The following PDZD2 variants were observed in gnomAD, a reference collection of about 807,000 sequenced individuals.
PDZD2 encodes PDZ domain-containing protein 2.
A neutral mutation model predicts 220.7 loss-of-function variants in PDZD2; 90 were observed. The observed-to-expected ratio is 0.41, with a 90% CI of 0.34 to 0.49. The LOEUF (loss-of-function observed/expected upper bound fraction) is 0.49, where lower values mean the gene tolerates loss of function less well. Among genes scored for constraint, PDZD2 ranks in the 20% least tolerant of loss-of-function variants. The pLI, the probability that PDZD2 is intolerant of heterozygous loss-of-function variation, is 0.28. For synonymous variants in PDZD2, 1,375 were observed against 1,450.5 expected, an observed-to-expected ratio of 0.95 and a Z score of 1.18; for missense variants, 3,174 against 3,608.5, an observed-to-expected ratio of 0.88 and a Z score of 3.08.
At chr5:31,864,523 CTTT>C (rs962086402) in intron 2 of PDZD2, among the ~76,000 whole-genome samples, 1 of 146,464 alleles carries the variant, frequency 6.8e-6, no homozygotes, top group East Asian at 2.0e-4. Context: ...GAATTGCATC[CTTT>C]TTTTTTTTTG....
intron 1 of PDZD2, among the ~76,000 whole-genome samples, chr5:31,777,325 T>C (rs1182280345): frequency 1.3e-5 from 2 of 152,188 alleles, no homozygotes; most frequent in Non-Finnish European, 2.9e-5. Flanking sequence ...TCGCCAGGCC[T>C]CAGCCGCCTC....
intron 1 of PDZD2, among the ~76,000 whole-genome samples, chr5:31,722,693 T>TG (rs1368489525): frequency 4.9e-5 from 7 of 143,772 alleles, no homozygotes; most frequent in Admixed American, 1.4e-4. Context: ...GTTGTTTTTT[T>TG]GTTGTTTTTT....
intron 1 of PDZD2, among the ~76,000 whole-genome samples, chr5:31,745,896 T>C (rs150951324): frequency 2.0e-5 from 3 of 151,890 alleles, no homozygotes; most frequent in East Asian, 3.9e-4. Flanking sequence ...TTGGTCTGAA[T>C]TGTGCCTTCT....
intron 2 of PDZD2, chr5:31,908,901 C>G: frequency 2.5e-6 from 1 of 402,038 alleles, no homozygotes; most frequent in Non-Finnish European, 4.7e-6. Context: ...AGAAAATTAG[C>G]TGGCTGTGGT....
chr5:31,763,164 GA>G (rs572889372), intron 1 of PDZD2, among the ~76,000 whole-genome samples: 26 of 152,308 alleles, frequency 1.7e-4, no homozygotes, highest in African/African-American at 5.5e-4. Flanking sequence ...GCAGGGCTCT[GA>G]GTCTAGCCCT....
At chr5:31,934,186 A>T (rs547070382) in intron 2 of PDZD2, among the ~76,000 whole-genome samples, 3 of 150,782 alleles carry the variant, frequency 2.0e-5, no homozygotes, top group African/African-American at 7.3e-5. Context: ...AGGCAATTTT[A>T]ATCTTTTTCC....
At chr5:32,081,716 C>CTTTGT (rs368243741) in intron 19 of PDZD2, among the ~76,000 whole-genome samples, 166 of 152,188 alleles carry the variant, frequency 1.1e-3, no homozygotes, top group African/African-American at 3.3e-3. Context: ...CAAAACATGT[C>CTTTGT]TTTGTTTTGT....
chr5:31,737,382 C>T (rs528932040), intron 1 of PDZD2, among the ~76,000 whole-genome samples: 7 of 152,130 alleles, frequency 4.6e-5, no homozygotes, highest in South Asian at 4.2e-4. Context: ...CCGTGTTAGC[C>T]AGGATGGTCT....
intron 13 of PDZD2, 123 bp from the exon 14 acceptor site, chr5:32,060,879 T>TATC (rs35665699): frequency 0.99 from 815,067 of 821,164 alleles, 404,569 homozygotes; most frequent in African/African-American, 1. Flanking sequence ...CGGGAAAAGA[T>TATC]ATGAGCTTCT....
intron 1 of PDZD2, among the ~76,000 whole-genome samples, chr5:31,640,997 C>A (rs1744928264): frequency 6.6e-6 from 1 of 152,156 alleles, no homozygotes. Flanking sequence ...TACTTTAAAT[C>A]TATCGCTGAA....
chr5:31,802,686 C>T (rs911556840), intron 2 of PDZD2, among the ~76,000 whole-genome samples: 8 of 151,986 alleles, frequency 5.3e-5, no homozygotes, highest in African/African-American at 1.7e-4. Flanking sequence ...TTTGGGAGGC[C>T]GAGGCGGGCA....
At chr5:32,076,306 A>C (rs1252477501) in intron 18 of PDZD2, among the ~76,000 whole-genome samples, 2 of 151,648 alleles carry the variant, frequency 1.3e-5, no homozygotes, top group Non-Finnish European at 2.9e-5. Flanking sequence ...AAAAAAAAAA[A>C]AAACAAATCA....
At chr5:31,914,610 T>G (rs1743515709) in intron 2 of PDZD2, among the ~76,000 whole-genome samples, 1 of 152,186 alleles carries the variant, frequency 6.6e-6, no homozygotes, top group Non-Finnish European at 1.5e-5. Context: ...AGAACATGTC[T>G]CAGAGGACAA....
chr5:31,706,256 T>A (rs189141958), intron 1 of PDZD2, among the ~76,000 whole-genome samples: 36 of 152,328 alleles, frequency 2.4e-4, no homozygotes, highest in East Asian at 1.9e-3. Context: ...TAGTTTTGAC[T>A]CTGAGCTTCC....
chr5:32,004,855 A>C (rs1410659606), intron 5 of PDZD2, among the ~76,000 whole-genome samples: 2 of 152,188 alleles, frequency 1.3e-5, no homozygotes, highest in African/African-American at 4.8e-5. Context: ...GCATTCCAGA[A>C]CCAAAGGATG....
chr5:31,699,227 G>A (rs1321731574), intron 1 of PDZD2, among the ~76,000 whole-genome samples: 1 of 152,012 alleles, frequency 6.6e-6, no homozygotes, highest in Non-Finnish European at 1.5e-5. Context: ...ACTGGGGCAG[G>A]GAAAAAGAGG....
At chr5:31,686,068 G>T (rs1746845815) in intron 1 of PDZD2, among the ~76,000 whole-genome samples, 1 of 149,884 alleles carries the variant, frequency 6.7e-6, no homozygotes, top group Non-Finnish European at 1.5e-5. Flanking sequence ...TATGGTCCCA[G>T]CTACCCTACT....
At chr5:31,663,833 G>A (rs1745873869) in intron 1 of PDZD2, among the ~76,000 whole-genome samples, 1 of 152,044 alleles carries the variant, frequency 6.6e-6, no homozygotes, top group African/African-American at 2.4e-5. Context: ...AACCGTTTGT[G>A]GCTTTGGTGT....
chr5:31,821,783 G>A (rs1384465329), intron 2 of PDZD2, among the ~76,000 whole-genome samples: 1 of 152,032 alleles, frequency 6.6e-6, no homozygotes, highest in East Asian at 1.9e-4. Context: ...CGCCCATCAA[G>A]CCGTCATCTA....
Sources: allele counts gnomAD v4.1 joint callset (sites outside exome capture counted in the v4.1 genomes callset), GRCh38; gene constraint gnomAD v4.1.1; transcripts MANE v1.5; gene names NCBI Gene and HGNC (gene_info 2026-07-23, HGNC 2026-07-21).